Variants in GALNT18 observed in about 807,000 individuals in gnomAD.
GALNT18 encodes polypeptide N-acetylgalactosaminyltransferase 18.
In GALNT18, 44 loss-of-function variants were observed where a neutral mutation model predicts 69.5. The ratio of observed to expected loss-of-function variants is 0.63; its 90% confidence interval spans 0.50 to 0.81. The LOEUF (loss-of-function observed/expected upper bound fraction) is 0.81, where lower values mean the gene tolerates loss of function less well. Among genes scored for constraint, GALNT18 ranks in the 40% least tolerant of loss-of-function variants. The pLI, the probability that GALNT18 is intolerant of heterozygous loss-of-function variation, is 0.00. For missense variants in GALNT18, 715 were observed against 810.0 expected, an observed-to-expected ratio of 0.88 and a Z score of 1.42; for synonymous variants, 364 against 318.2, an observed-to-expected ratio of 1.14 and a Z score of -1.53.
At chr11:11,464,014 G>C (rs59941381) in intron 1 of GALNT18, among the ~76,000 whole-genome samples, 3,420 of 152,140 alleles carry the variant, frequency 0.022, 116 homozygotes, top group African/African-American at 0.078. Flanking sequence ...AGGCAGTCCC[G>C]GCCTGCAGCC....
chr11:11,440,841 A>T (rs1479651898), intron 2 of GALNT18, among the ~76,000 whole-genome samples: 2 of 152,222 alleles, frequency 1.3e-5, no homozygotes, highest in African/African-American at 4.8e-5. Flanking sequence ...AGCTCTACAA[A>T]CATTACACAA....
intron 1 of GALNT18, among the ~76,000 whole-genome samples, chr11:11,576,376 T>C (rs1196827543): frequency 6.6e-6 from 1 of 152,196 alleles, no homozygotes; most frequent in African/African-American, 2.4e-5. Flanking sequence ...CCAGCTATAG[T>C]AATTGCCCCA....
At chr11:11,297,675 G>A (rs896534436) in intron 9 of GALNT18, among the ~76,000 whole-genome samples, 9 of 152,200 alleles carry the variant, frequency 5.9e-5, no homozygotes, top group African/African-American at 9.6e-5. Flanking sequence ...TGAGACAGCA[G>A]CATCCCTCCT....
chr11:11,373,627 C>G (rs1850964936), intron 5 of GALNT18, among the ~76,000 whole-genome samples: 1 of 152,226 alleles, frequency 6.6e-6, no homozygotes, highest in Non-Finnish European at 1.5e-5. Context: ...GCTGGAACAA[C>G]CTGCCAACAG....
Position 11,562,144 on chromosome 11 carries a change from G to A in GALNT18, c.235+59215C>T, listed in dbSNP as rs183751593. 2.6e-5 allele frequency among the ~76,000 whole-genome samples: 4 copies of A among 152,342 alleles called. No homozygotes were observed. The East Asian group carries it at 7.7e-4, about 29-fold the overall frequency. ...CACAGACTGGGTGCCTTCAACAACA[G>A]ATATTCATTCTCTCACAGTTCTGGG... On this transcript the variant is annotated intron_variant, in intron 1 of 10. Coordinates refer to ENST00000227756, the MANE Select transcript of GALNT18 (RefSeq NM_198516.3). This position sits in a 1 kb window ranked among gnomAD's most constrained non-coding sequence, Gnocchi z 4.1.
At position 11,598,988 on chromosome 11, in the gene GALNT18, T is replaced by G. The variant is rs567758230; in HGVS notation, c.235+22371A>C. Among the ~76,000 whole-genome samples the G allele has an allele frequency of 6.6e-6, 1 of 152,258 alleles. No individual in the cohort carries two copies. Among genetic ancestry groups the G allele is most frequent in the South Asian group, 2.1e-4 (1 of 4,824 alleles). ...GATGAGTTCAATCCTTTGAAATTTATTCAGGCTTGTTTTATGGCCTAGTGT... is the reference window on the plus strand; with the variant it reads ...GATGAGTTCAATCCTTTGAAATTTAGTCAGGCTTGTTTTATGGCCTAGTGT... On this transcript the variant is annotated intron_variant, in intron 1 of 10. Transcript: ENST00000227756. This position sits in a 1 kb window ranked among gnomAD's most constrained non-coding sequence, Gnocchi z 4.8.
intron 9 of GALNT18, among the ~76,000 whole-genome samples, chr11:11,319,771 T>C (rs1407005481): frequency 6.6e-6 from 1 of 152,224 alleles, no homozygotes; most frequent in Non-Finnish European, 1.5e-5. Flanking sequence ...TGCATCCTTA[T>C]ACTTTGGAAG....
chr11:11,381,262 A>C (rs908306707), intron 3 of GALNT18, among the ~76,000 whole-genome samples: 3 of 152,156 alleles, frequency 2.0e-5, no homozygotes, highest in Non-Finnish European at 4.4e-5. Context: ...ATTTAAATAG[A>C]GCTCATAAAG....
intron 1 of GALNT18, among the ~76,000 whole-genome samples, chr11:11,498,780 C>G (rs912130897): frequency 2.0e-5 from 3 of 152,124 alleles, no homozygotes; most frequent in Non-Finnish European, 4.4e-5. Context: ...GCCTGGGCAA[C>G]AGAGTGAGAC....
In GALNT18 at chr11:11,293,281, CAG is replaced by C. The variant is rs1434532262; in HGVS notation, c.1513-90_1513-89del. 4 of 1,125,038 alleles carry C rather than the reference CAG, an allele frequency of 3.6e-6. No homozygotes were observed. The East Asian group carries it at 1.2e-4, about 34-fold the overall frequency. 69.7% of individuals were successfully genotyped at this position (1,125,038 alleles called of 1,614,324 possible). A position where few individuals can be genotyped will look rare whatever the true frequency, so the allele number is the denominator to read the frequency against. Reference sequence around the variant, plus strand: ...GGTGGTGATTCTTCCAGGCAGCTGGCAGAGAGGCCACAGTTAGGGAAGACCCC... The same window carrying C: ...GGTGGTGATTCTTCCAGGCAGCTGGCAGAGGCCACAGTTAGGGAAGACCCC... On this transcript the variant is annotated intron_variant, in intron 9 of 10. Transcript: ENST00000227756.
At chr11:11,324,032 A>C (rs4909987) in intron 9 of GALNT18, among the ~76,000 whole-genome samples, 1 of 151,908 alleles carries the variant, frequency 6.6e-6, no homozygotes, top group Non-Finnish European at 1.5e-5. Flanking sequence ...GACACCAGAG[A>C]GCTCATTGTT....
At chr11:11,288,870 C>A (rs1393923086) in intron 10 of GALNT18, among the ~76,000 whole-genome samples, 1 of 151,986 alleles carries the variant, frequency 6.6e-6, no homozygotes, top group East Asian at 1.9e-4. Context: ...GGTAGGAGAA[C>A]CTGGGAAAAC....
intron 9 of GALNT18, among the ~76,000 whole-genome samples, chr11:11,322,871 C>A (rs2133040301): frequency 6.6e-6 from 1 of 152,306 alleles, no homozygotes; most frequent in East Asian, 1.9e-4. Context: ...TGCTTAGGAA[C>A]TACTTCCTGG....
intron 6 of GALNT18, among the ~76,000 whole-genome samples, chr11:11,350,431 T>C (rs1850378707): frequency 6.6e-6 from 1 of 152,168 alleles, no homozygotes; most frequent in Non-Finnish European, 1.5e-5. Flanking sequence ...ACCTCAAATC[T>C]CATATCAGCC....
At chr11:11,406,963 G>A (rs1008916892) in intron 3 of GALNT18, among the ~76,000 whole-genome samples, 1 of 152,230 alleles carries the variant, frequency 6.6e-6, no homozygotes, top group African/African-American at 2.4e-5. Context: ...TTGCACTGAG[G>A]TGAGGGTCTC....
At chr11:11,471,831 T>C (rs746526280) in intron 1 of GALNT18, among the ~76,000 whole-genome samples, 1 of 152,244 alleles carries the variant, frequency 6.6e-6, no homozygotes, top group Non-Finnish European at 1.5e-5. Context: ...CCTTGGCTCC[T>C]GCCCTGCCCA....
Position 11,379,102 on chromosome 11 carries a change from T to C in GALNT18, c.758A>G (p.His253Arg). 6.2e-7 allele frequency: 1 copy of C among 1,607,912 alleles called. No individual in the cohort carries two copies. The highest frequency in any genetic ancestry group is 1.1e-5 in the South Asian group (1 of 90,716). Reference sequence around the variant, plus strand: ...TTACCAGCCCACATTGAACTCCACGTGGGCATCAAAGAGTGCCACCACAGG... The same window carrying C: ...TTACCAGCCCACATTGAACTCCACGCGGGCATCAAAGAGTGCCACCACAGG... ...TAPVVALFDA[H>R]VEFNVGWAEP... is the part of the protein sequence containing the mutation. The change falls in exon 4 of 11, where the codon CAC (histidine) becomes CGC (arginine). Residue 253 changes from histidine (H) to arginine (R), a missense_variant. By Grantham distance (29) the His-to-Arg change is conservative. Coordinates refer to ENST00000227756, the MANE Select transcript of GALNT18 (RefSeq NM_198516.3).
At chr11:11,515,415 A>G (rs1050507935) in intron 1 of GALNT18, among the ~76,000 whole-genome samples, 1 of 152,192 alleles carries the variant, frequency 6.6e-6, no homozygotes, top group Non-Finnish European at 1.5e-5. Context: ...ACTGGCAGAC[A>G]CAGGTTGGAA....
At chr11:11,273,334 A>G (rs959118709) in intron 10 of GALNT18, among the ~76,000 whole-genome samples, 1 of 151,578 alleles carries the variant, frequency 6.6e-6, no homozygotes, top group Admixed American at 6.6e-5. Flanking sequence ...ATACATAAGA[A>G]GTTCAAATAA....
Sources: gnomAD v4.1 joint callset for allele counts (sites outside exome capture counted in the v4.1 genomes callset) on GRCh38, gnomAD v4.1.1 for gene constraint, Gnocchi (gnomAD v3.1) non-coding constraint, MANE v1.5 for transcripts, NCBI Gene and HGNC (gene_info 2026-07-23, HGNC 2026-07-21) for gene names.